The following SPOCK3 variants were observed in gnomAD, a reference collection of about 807,000 sequenced individuals.
The protein encoded by SPOCK3 is SPARC (osteonectin), cwcv and kazal like domains proteoglycan 3.
Under a neutral mutation model 56.6 loss-of-function variants are expected in SPOCK3, and 30 were observed. That is an observed-to-expected ratio of 0.53 (90% CI 0.40 to 0.72). The LOEUF is 0.72. SPOCK3 is among the 30% of genes least tolerant of loss of function. The probability of loss-of-function intolerance (pLI) is 0.00; values close to 1 mark genes in which losing one functional copy is unlikely to be tolerated. For synonymous variants in SPOCK3, 196 were observed against 183.3 expected (o/e 1.07, Z -0.56); for missense variants, 527 against 530.0 (o/e 0.99, Z 0.06).
At chr4:166,925,891 C>T (rs193031796) in intron 4 of SPOCK3, among the ~76,000 whole-genome samples, 237 of 152,228 alleles carry the variant, frequency 1.6e-3, no homozygotes, top group South Asian at 3.5e-3. Flanking sequence ...GCCACATGAA[C>T]GCATTAAGCT....
intron 3 of SPOCK3, among the ~76,000 whole-genome samples, chr4:167,019,819 G>A (rs946620215): frequency 1.3e-5 from 2 of 151,954 alleles, no homozygotes; most frequent in Non-Finnish European, 2.9e-5. Context: ...CTAATTGATA[G>A]AACATAAATA....
intron 5 of SPOCK3, among the ~76,000 whole-genome samples, chr4:166,897,393 G>C (rs1057016275): frequency 2.9e-4 from 44 of 152,140 alleles, no homozygotes; most frequent in African/African-American, 9.7e-4. Context: ...CCTTCTAGAA[G>C]AGAGAGGAGG....
intron 5 of SPOCK3, among the ~76,000 whole-genome samples, chr4:166,901,061 C>T (rs548903168): frequency 6.6e-6 from 1 of 152,170 alleles, no homozygotes; most frequent in South Asian, 2.1e-4. Flanking sequence ...TTCCTTTTTT[C>T]CATTTCACTT....
At chr4:167,197,215 T>C (rs1306440143) in intron 2 of SPOCK3, among the ~76,000 whole-genome samples, 1 of 152,146 alleles carries the variant, frequency 6.6e-6, no homozygotes, top group African/African-American at 2.4e-5. Context: ...TCATGGGTGC[T>C]TTCAATTTGC....
At chr4:166,956,580 T>A (rs562416980) in intron 4 of SPOCK3, among the ~76,000 whole-genome samples, 1 of 152,272 alleles carries the variant, frequency 6.6e-6, no homozygotes, top group South Asian at 2.1e-4. Flanking sequence ...ACTTATAAAT[T>A]GTTTATTTCT....
At chr4:167,035,311 C>G (rs1429483686) in intron 3 of SPOCK3, among the ~76,000 whole-genome samples, 1 of 151,718 alleles carries the variant, frequency 6.6e-6, no homozygotes, top group Non-Finnish European at 1.5e-5. Context: ...ATATGATTAC[C>G]AGAACATCTC....
chr4:167,228,579 A>G (rs1413861481), intron 2 of SPOCK3, among the ~76,000 whole-genome samples: 1 of 152,140 alleles, frequency 6.6e-6, no homozygotes. Flanking sequence ...TCATGTGATA[A>G]CCTGATGACA....
intron 2 of SPOCK3, among the ~76,000 whole-genome samples, chr4:167,186,591 C>T (rs1241770088): frequency 6.6e-6 from 1 of 151,940 alleles, no homozygotes; most frequent in African/African-American, 2.4e-5. Flanking sequence ...CATGCCATTG[C>T]ACTCCAGTCT....
intron 2 of SPOCK3, among the ~76,000 whole-genome samples, chr4:167,192,514 T>C (rs919482235): frequency 1.4e-5 from 2 of 145,806 alleles, no homozygotes; most frequent in Non-Finnish European, 1.5e-5. Context: ...TCGTTGTTGG[T>C]AGGTTGTATG....
At position 167,159,790 on chromosome 4, in the gene SPOCK3, C is replaced by T. The variant is rs192999240; in HGVS notation, c.189+74195G>A. Among the ~76,000 whole-genome samples, 1,358 of 152,130 alleles carry T rather than the reference C, an allele frequency of 8.9e-3. 12 individuals carry two copies. The highest frequency in any genetic ancestry group is 0.013 in the Non-Finnish European group (911 of 67,980). On this transcript the variant is annotated intron_variant, in intron 2 of 10. Coordinates refer to ENST00000357545, the MANE Select transcript of SPOCK3 (RefSeq NM_001040159.2). ...TATAAACAGAACTAAAGACAAAAAC[C>T]ACATGATTATCTCAATAGATGCAGA...
chr4:167,078,235 G>A (rs952245065), intron 2 of SPOCK3, among the ~76,000 whole-genome samples: 2 of 151,118 alleles, frequency 1.3e-5, no homozygotes, highest in African/African-American at 4.9e-5. Flanking sequence ...CAGAAACTCT[G>A]TATTATCAGG....
intron 6 of SPOCK3, among the ~76,000 whole-genome samples, chr4:166,843,031 G>A (rs1284265812): frequency 6.6e-6 from 1 of 152,158 alleles, no homozygotes. Flanking sequence ...CGGCGCTGCT[G>A]GGGGGCCTGG....
intron 2 of SPOCK3, among the ~76,000 whole-genome samples, chr4:167,182,483 A>G (rs1014676905): frequency 1.3e-4 from 19 of 146,988 alleles, no homozygotes; most frequent in Admixed American, 5.4e-4. Context: ...AAGTCAATGG[A>G]AAAAAAAAAT....
chr4:166,799,981 ACCAT>A (rs1195688645), intron 6 of SPOCK3, among the ~76,000 whole-genome samples: 3 of 151,794 alleles, frequency 2.0e-5, no homozygotes, highest in African/African-American at 7.3e-5. Context: ...GGAGATTGAG[ACCAT>A]CCTGGCTAAC....
At chr4:167,204,351 T>C (rs1371664531) in intron 2 of SPOCK3, among the ~76,000 whole-genome samples, 1 of 152,096 alleles carries the variant, frequency 6.6e-6, no homozygotes, top group African/African-American at 2.4e-5. Flanking sequence ...GAATAATTTA[T>C]AAAGAAAAGA....
chr4:167,058,569 T>C lies in SPOCK3; in HGVS notation c.235+3923A>G, dbSNP rs1239070477. 5.3e-5 allele frequency among the ~76,000 whole-genome samples: 8 copies of C among 152,214 alleles called. No individual in the cohort carries two copies. In the East Asian group the frequency reaches 1.2e-3, roughly 22 times the overall value. ...AGAATCAATATCATGAAAATGGCCA[T>C]ACTGCCCAAGGTAATTTATAGATTC... On this transcript the variant is annotated intron_variant, in intron 3 of 10. Coordinates refer to ENST00000357545, the MANE Select transcript of SPOCK3 (RefSeq NM_001040159.2).
At chr4:166,928,990 C>T (rs1289425723) in intron 4 of SPOCK3, among the ~76,000 whole-genome samples, 1 of 150,676 alleles carries the variant, frequency 6.6e-6, no homozygotes, top group African/African-American at 2.4e-5. Context: ...ACAACAACAA[C>T]AAAAACTATG....
chr4:166,735,183 T>C, intron 10 of SPOCK3, 93 bp from the exon 11 acceptor site: 1 of 777,992 alleles, frequency 1.3e-6, no homozygotes, highest in Non-Finnish European at 2.0e-6. Context: ...AGAATATTTT[T>C]TAGAAAGTAA....
chr4:167,071,397 C>G (rs1476671517), intron 2 of SPOCK3, among the ~76,000 whole-genome samples: 3 of 151,900 alleles, frequency 2.0e-5, no homozygotes, highest in Non-Finnish European at 2.9e-5. Flanking sequence ...CCTAGCCCCC[C>G]ACCCCCTGAC....
Sources: allele counts gnomAD v4.1 joint callset (sites outside exome capture counted in the v4.1 genomes callset), GRCh38; gene constraint gnomAD v4.1.1; transcripts MANE v1.5; gene names NCBI Gene and HGNC (gene_info 2026-07-23, HGNC 2026-07-21).